PAAF1: variants seen among roughly 807,000 people sequenced by gnomAD.
PAAF1 encodes the protein proteasomal ATPase-associated factor 1.
Under a neutral mutation model 52.8 loss-of-function variants are expected in PAAF1, and 46 were observed. The observed-to-expected ratio is 0.87, with a 90% CI of 0.69 to 1.11. The LOEUF (loss-of-function observed/expected upper bound fraction) is 1.11, where lower values mean the gene tolerates loss of function less well. PAAF1 is among the 50% of genes most tolerant of loss of function. PAAF1 has a pLI of 0.00. For missense variants in PAAF1, 424 were observed against 477.4 expected (o/e 0.89, Z 1.04); for synonymous variants, 178 against 172.8 (o/e 1.03, Z -0.24).
At chr11:73,885,329 A>G (rs1253558131) in intron 2 of PAAF1, among the ~76,000 whole-genome samples, 1 of 151,084 alleles carries the variant, frequency 6.6e-6, no homozygotes. Flanking sequence ...TTTTTAGTAG[A>G]GAAGAGGTTT....
At chr11:73,896,827 G>A (rs539161585) in intron 4 of PAAF1, among the ~76,000 whole-genome samples, 5 of 152,130 alleles carry the variant, frequency 3.3e-5, no homozygotes, top group Admixed American at 6.5e-5. Flanking sequence ...CCTCCCAGAC[G>A]GGGTGGTGGC....
At position 73,927,287 on chromosome 11, in the gene PAAF1, A is replaced by G; in HGVS notation, c.1104A>G (p.Val368=). 1 of 1,571,962 alleles carries G rather than the reference A, an allele frequency of 6.4e-7. No homozygotes were observed. Residue 368 remains valine (V), a splice_region_variant and synonymous_variant, in exon 12 of 12, where the codon GTA becomes GTG. Coordinates refer to ENST00000310571, the MANE Select transcript of PAAF1 (RefSeq NM_025155.3). The part of the protein sequence containing the change: ...TGADCDPVYK[V]ATWEKQIYTC... ...AACTGTGAATTCTTGTGTTTTAGGT[A>G]GCCACATGGGAGAAGCAGATCTACA...
At chr11:73,890,986 G>A (rs1239255199) in intron 3 of PAAF1, 126 bp from the exon 4 acceptor site, 3 of 622,254 alleles carry the variant, frequency 4.8e-6, no homozygotes, top group African/African-American at 1.9e-5. Flanking sequence ...TGGGAAAGGA[G>A]AACGAGAGAG....
intron 3 of PAAF1, chr11:73,888,815 T>G (rs1303804782): frequency 2.8e-6 from 1 of 362,574 alleles, no homozygotes; most frequent in African/African-American, 2.1e-5. Flanking sequence ...GACAAATAAC[T>G]TAGTTCTCTG....
In PAAF1 at chr11:73,927,442, C is replaced by G. The variant is rs1179804552; in HGVS notation, c.*80C>G. 7 of 1,211,026 alleles carry G rather than the reference C, an allele frequency of 5.8e-6. No homozygotes were observed. In the African/African-American group the frequency reaches 7.5e-5, roughly 13 times the overall value. The allele number at this position is 1,211,026 out of a possible 1,614,324, so 75.0% of individuals were successfully genotyped here. A position where few individuals can be genotyped will look rare whatever the true frequency, so the allele number is the denominator to read the frequency against. On this transcript the variant is annotated 3_prime_UTR_variant, in exon 12 of 12. Transcript: ENST00000310571. ...GAGCAGAAACATCATCAGTCCTTCC[C>G]AAGGACCATGGCGTTTAATGTCTTG...
intron 11 of PAAF1, among the ~76,000 whole-genome samples, chr11:73,926,910 A>G (rs1481386797): frequency 3.9e-5 from 6 of 152,180 alleles, no homozygotes; most frequent in Admixed American, 6.5e-5. Flanking sequence ...TCAGAAAAAA[A>G]GACACATATT....
Position 73,899,242 on chromosome 11 carries a change from A to G in PAAF1, c.379A>G (p.Arg127Gly), listed in dbSNP as rs746762852. The change falls in exon 5 of 12, where the codon AGG becomes GGG. Residue 127 changes from arginine (R) to glycine (G), a missense_variant and splice_region_variant. Arg to Gly is a moderately radical substitution (Grantham distance 125). Transcript: ENST00000310571. ...KIWQASNGEL[R>G]RVLEGHVFDV... Reference sequence around the variant, plus strand: ...CTGGCAGGCTTCCAATGGAGAACTCAGGGTAAAGGATTTGGATGTACTTTT... The same window carrying G: ...CTGGCAGGCTTCCAATGGAGAACTCGGGGTAAAGGATTTGGATGTACTTTT... The G allele has an allele frequency of 6.2e-7, 1 of 1,612,994 alleles. No homozygotes were observed. The highest frequency in any genetic ancestry group is 2.2e-5 in the East Asian group (1 of 44,860).
intron 3 of PAAF1, among the ~76,000 whole-genome samples, chr11:73,888,587 T>A (rs538373571): frequency 6.6e-6 from 1 of 152,234 alleles, no homozygotes; most frequent in South Asian, 2.1e-4. Flanking sequence ...TTTTTAGTTA[T>A]AAAAAATATT....
intron 10 of PAAF1, chr11:73,921,539 A>G (rs1326646181): frequency 1.9e-6 from 1 of 533,786 alleles, no homozygotes; most frequent in Non-Finnish European, 3.7e-6. Flanking sequence ...TTTTTCAAGT[A>G]AAGACATGGT....
At chr11:73,916,402 G>A (rs962905792) in intron 8 of PAAF1, 143 bp from the exon 9 acceptor site, 1 of 617,530 alleles carries the variant, frequency 1.6e-6, no homozygotes, top group East Asian at 2.8e-5. Context: ...TGGTGAATGT[G>A]TAATTTACCA....
At chr11:73,883,767 CACCTCGGCCTCCCAA>C (rs1948982317) in intron 2 of PAAF1, among the ~76,000 whole-genome samples, 1 of 152,066 alleles carries the variant, frequency 6.6e-6, no homozygotes, top group Non-Finnish European at 1.5e-5. Flanking sequence ...GTGATCCTCC[CACCTCGGCCTCCCAA>C]AGTGCTGGGA....
At chr11:73,918,925 A>G in intron 9 of PAAF1, 25 bp from the exon 10 acceptor site, 2 of 1,595,734 alleles carry the variant, frequency 1.3e-6, no homozygotes, top group South Asian at 2.2e-5. Context: ...AAGAAAGTAA[A>G]ATTTCCCCTT....
intron 2 of PAAF1, among the ~76,000 whole-genome samples, chr11:73,885,552 C>T (rs931360947): frequency 6.6e-6 from 1 of 151,798 alleles, no homozygotes; most frequent in African/African-American, 2.4e-5. Context: ...CTCTAGAAAG[C>T]CCTCCCGGCC....
Position 73,899,965 on chromosome 11 carries a change from A to G in PAAF1, c.382-305A>G, listed in dbSNP as rs529655963. ...GTCCCCAAGCCACCTCAGCTCTTTAACTAGATCTAGAGATGGCTGTGAAAG... is the reference window on the plus strand; with the variant it reads ...GTCCCCAAGCCACCTCAGCTCTTTAGCTAGATCTAGAGATGGCTGTGAAAG... On this transcript the variant is annotated intron_variant, in intron 5 of 11. Transcript: ENST00000310571. Among the ~76,000 whole-genome samples the G allele has an allele frequency of 2.6e-5, 4 of 152,102 alleles. No individual in the cohort carries two copies. In the South Asian group the frequency reaches 6.2e-4, roughly 24 times the overall value.
At chr11:73,892,904 C>T (rs998534805) in intron 4 of PAAF1, among the ~76,000 whole-genome samples, 1 of 152,160 alleles carries the variant, frequency 6.6e-6, no homozygotes, top group African/African-American at 2.4e-5. Flanking sequence ...TTGTGATCCG[C>T]CCACCTCGGC....
intron 7 of PAAF1, among the ~76,000 whole-genome samples, chr11:73,911,952 G>A (rs1346343515): frequency 6.6e-6 from 1 of 151,948 alleles, no homozygotes; most frequent in African/African-American, 2.4e-5. Context: ...CCTTCTTCTT[G>A]CCTAATCCAC....
intron 10 of PAAF1, among the ~76,000 whole-genome samples, chr11:73,923,339 A>G (rs1369028613): frequency 1.3e-5 from 2 of 152,180 alleles, no homozygotes; most frequent in Non-Finnish European, 2.9e-5. Flanking sequence ...CATAATCTTA[A>G]TACAGAAAAA....
chr11:73,876,944 C>T (rs2135111653), upstream of PAAF1: 2 of 1,406,724 alleles, frequency 1.4e-6, no homozygotes, highest in Non-Finnish European at 9.4e-7. Flanking sequence ...GAGCCCACCT[C>T]TGTCCTCGCC....
At chr11:73,884,424 G>C (rs954178243) in intron 2 of PAAF1, among the ~76,000 whole-genome samples, 1 of 152,212 alleles carries the variant, frequency 6.6e-6, no homozygotes, top group Non-Finnish European at 1.5e-5. Flanking sequence ...GATTCTGGGA[G>C]ATAGAGGCTG....
Sources: allele counts gnomAD v4.1 joint callset (sites outside exome capture counted in the v4.1 genomes callset), GRCh38; gene constraint gnomAD v4.1.1; transcripts MANE v1.5; gene names NCBI Gene and HGNC (gene_info 2026-07-23, HGNC 2026-07-21).